Variants in SDK1 observed in about 807,000 individuals in gnomAD.
SDK1 encodes protein sidekick-1.
In SDK1, 157 loss-of-function variants were observed where a neutral mutation model predicts 245.5. The ratio of observed to expected loss-of-function variants is 0.64; its 90% CI spans 0.56 to 0.73. SDK1 has a LOEUF of 0.73. Ranked by LOEUF, SDK1 falls within the 30% of genes least tolerant of loss-of-function variation. The pLI is 0.00. For synonymous variants in SDK1, 1,647 were observed against 1,278.5 expected, an observed-to-expected ratio of 1.29 and a Z score of -6.15; for missense variants, 3,583 against 3,002.3, an observed-to-expected ratio of 1.19 and a Z score of -4.52.
chr7:3,887,399 C>T (rs1781361964), intron 5 of SDK1, among the ~76,000 whole-genome samples: 2 of 152,140 alleles, frequency 1.3e-5, no homozygotes, highest in Admixed American at 1.3e-4. Flanking sequence ...AGGGGAGGAA[C>T]CGTGGAGTAT....
chr7:3,898,066 T>G (rs1263872409), intron 5 of SDK1, among the ~76,000 whole-genome samples: 1 of 152,202 alleles, frequency 6.6e-6, no homozygotes, highest in African/African-American at 2.4e-5. Flanking sequence ...TGCTACGGTA[T>G]TAGCATGAAG....
intron 2 of SDK1, among the ~76,000 whole-genome samples, chr7:3,633,593 T>C (rs2128648927): frequency 6.6e-6 from 1 of 152,318 alleles, no homozygotes; most frequent in Middle Eastern, 3.4e-3. Flanking sequence ...CCATGTTTTT[T>C]TGTTTATTTT....
intron 1 of SDK1, among the ~76,000 whole-genome samples, chr7:3,538,460 C>G (rs1200572189): frequency 6.6e-6 from 1 of 152,128 alleles, no homozygotes; most frequent in Non-Finnish European, 1.5e-5. Context: ...GTTCAGAAAT[C>G]TGAATTTCCT....
At chr7:3,580,273 AC>A (rs1780437947) in intron 1 of SDK1, among the ~76,000 whole-genome samples, 1 of 152,218 alleles carries the variant, frequency 6.6e-6, no homozygotes, top group African/African-American at 2.4e-5. Context: ...AACATTCTTC[AC>A]AAAACTGGAA....
intron 1 of SDK1, chr7:3,475,972 C>T (rs1041376065): frequency 6.6e-6 from 1 of 152,600 alleles, no homozygotes; most frequent in Non-Finnish European, 1.5e-5. Context: ...GTTTTAAATG[C>T]TGTTTATACT....
At chr7:3,930,786 C>G (rs1299728594) in intron 5 of SDK1, among the ~76,000 whole-genome samples, 1 of 152,014 alleles carries the variant, frequency 6.6e-6, no homozygotes, top group African/African-American at 2.4e-5. Flanking sequence ...GAGTGACACT[C>G]TGTCTCACCG....
intron 30 of SDK1, among the ~76,000 whole-genome samples, chr7:4,155,468 AAG>A (rs1780670356): frequency 6.6e-6 from 1 of 152,236 alleles, no homozygotes; most frequent in Non-Finnish European, 1.5e-5. Flanking sequence ...ACAGTGGAGA[AAG>A]AGGGGTTTCA....
At chr7:3,473,904 G>C (rs1056419739) in intron 1 of SDK1, among the ~76,000 whole-genome samples, 8 of 151,898 alleles carry the variant, frequency 5.3e-5, no homozygotes, top group South Asian at 2.1e-4. Context: ...CAGCAGTGAA[G>C]GGTAGTGGAA....
At chr7:3,910,776 T>C (rs1779135590) in intron 5 of SDK1, among the ~76,000 whole-genome samples, 1 of 152,240 alleles carries the variant, frequency 6.6e-6, no homozygotes, top group Non-Finnish European at 1.5e-5. Context: ...GAATGGCTGA[T>C]GATTCCTCTC....
intron 4 of SDK1, among the ~76,000 whole-genome samples, chr7:3,755,989 A>T (rs1779916654): frequency 6.6e-6 from 1 of 152,032 alleles, no homozygotes. Context: ...TGACACATGC[A>T]TATCTTTGAT....
At chr7:3,795,585 C>T (rs1474851805) in intron 4 of SDK1, among the ~76,000 whole-genome samples, 2 of 152,170 alleles carry the variant, frequency 1.3e-5, no homozygotes, top group South Asian at 4.2e-4. Context: ...CTGTTAAATG[C>T]CTGTCTTCCA....
chr7:4,198,277 C>G (rs1330787344), intron 35 of SDK1, among the ~76,000 whole-genome samples: 2 of 152,214 alleles, frequency 1.3e-5, no homozygotes, highest in African/African-American at 4.8e-5. Flanking sequence ...ACAGAGTGGT[C>G]AGAACCTACT....
At chr7:3,581,048 C>T (rs1487767352) in intron 1 of SDK1, among the ~76,000 whole-genome samples, 1 of 139,880 alleles carries the variant, frequency 7.1e-6, no homozygotes, top group Non-Finnish European at 1.5e-5. Flanking sequence ...GACATAAGAA[C>T]TGGCGTTAAT....
intron 1 of SDK1, among the ~76,000 whole-genome samples, chr7:3,464,955 T>C (rs756688990): frequency 1.3e-5 from 2 of 152,136 alleles, no homozygotes; most frequent in Non-Finnish European, 2.9e-5. Flanking sequence ...CACTGAGTAG[T>C]TTTAAAATAA....
At chr7:3,443,541 A>T (rs549151919) in intron 1 of SDK1, among the ~76,000 whole-genome samples, 115 of 152,290 alleles carry the variant, frequency 7.6e-4, no homozygotes, top group African/African-American at 2.7e-3. Context: ...CTGCTTATTA[A>T]TGAAGGAGAT....
chr7:4,171,436 CATT>C (rs1327740549), intron 32 of SDK1, among the ~76,000 whole-genome samples: 2 of 152,226 alleles, frequency 1.3e-5, no homozygotes, highest in African/African-American at 4.8e-5. Context: ...CCAGAAGAAT[CATT>C]TTCAGATTCT....
At chr7:4,242,012 T>G in intron 43 of SDK1, 99 bp downstream of exon 43, 2 of 1,447,218 alleles carry the variant, frequency 1.4e-6, no homozygotes, top group Non-Finnish European at 1.9e-6. Flanking sequence ...TCCCGCCCTG[T>G]GGTTCCAGGA....
chr7:3,425,440 A>G (rs1344985262), intron 1 of SDK1, among the ~76,000 whole-genome samples: 2 of 152,164 alleles, frequency 1.3e-5, no homozygotes, highest in Non-Finnish European at 2.9e-5. Flanking sequence ...AATTTTCTGT[A>G]TTTTGGCATA....
chr7:3,794,773 G>C (rs1479557368), intron 4 of SDK1, among the ~76,000 whole-genome samples: 1 of 152,012 alleles, frequency 6.6e-6, no homozygotes, highest in African/African-American at 2.4e-5. Flanking sequence ...AACAGAAAAT[G>C]GATCAACACA....
Sources: allele counts gnomAD v4.1 joint callset (sites outside exome capture counted in the v4.1 genomes callset), GRCh38; gene constraint gnomAD v4.1.1; transcripts MANE v1.5; gene names NCBI Gene and HGNC (gene_info 2026-07-23, HGNC 2026-07-21).